The following ADARB2 variants were observed in gnomAD, a reference collection of about 807,000 sequenced individuals.
The protein encoded by ADARB2 is adenosine deaminase RNA specific B2 (inactive), also known as inactive double-stranded RNA-specific editase B2.
A neutral mutation model predicts 62.2 loss-of-function variants in ADARB2; 25 were observed. The observed-to-expected ratio is 0.40, with a 90% CI of 0.29 to 0.56. The LOEUF is 0.56. Among genes scored for constraint, ADARB2 ranks in the 20% least tolerant of loss-of-function variants. The pLI is 0.43. For synonymous variants in ADARB2, 572 were observed against 500.8 expected (o/e 1.14, Z -1.90); for missense variants, 1,071 against 1,077.4 (o/e 0.99, Z 0.08).
chr10:1,682,178 C>T (rs1181038132), intron 1 of ADARB2, among the ~76,000 whole-genome samples: 1 of 152,120 alleles, frequency 6.6e-6, no homozygotes, highest in Non-Finnish European at 1.5e-5. Context: ...AATGAGAGCT[C>T]CACAAAGATG....
At chr10:1,552,266 C>T (rs1020272533) in intron 1 of ADARB2, among the ~76,000 whole-genome samples, 5 of 152,360 alleles carry the variant, frequency 3.3e-5, no homozygotes, top group South Asian at 2.1e-4. Context: ...TGGCCTGTGC[C>T]GTGTAAGTGG....
intron 1 of ADARB2, among the ~76,000 whole-genome samples, chr10:1,581,977 C>T (rs1833108463): frequency 6.6e-6 from 1 of 152,128 alleles, no homozygotes; most frequent in Non-Finnish European, 1.5e-5. Context: ...GGCCACTTCC[C>T]TACTCACTGC....
chr10:1,639,899 C>CAAACAA (rs1833960100), intron 1 of ADARB2, among the ~76,000 whole-genome samples: 1 of 150,938 alleles, frequency 6.6e-6, no homozygotes, highest in African/African-American at 2.5e-5. Context: ...CAAACAAAAA[C>CAAACAA]ATGAAGAGGG....
At chr10:1,353,325 G>A (rs972985362) in intron 3 of ADARB2, among the ~76,000 whole-genome samples, 2 of 152,056 alleles carry the variant, frequency 1.3e-5, no homozygotes, top group Admixed American at 6.6e-5. Flanking sequence ...TCTCCTAGCC[G>A]CTTCTAATCC....
In ADARB2 at chr10:1,647,664, ATG is replaced by A. The variant is rs1054167833; in HGVS notation, c.100+89385_100+89386del. On this transcript the variant is annotated intron_variant, in intron 1 of 9. Coordinates refer to ENST00000381312, the MANE Select transcript of ADARB2 (RefSeq NM_018702.4). ...TATGTGTGGGGGTATATGAGTATATATGTGTATGTGTGTATACATGTGTGTAT... is the reference window on the plus strand; with the variant it reads ...TATGTGTGGGGGTATATGAGTATATATGTATGTGTGTATACATGTGTGTAT... Among the ~76,000 whole-genome samples, 6 of 151,804 alleles carry A rather than the reference ATG, an allele frequency of 4.0e-5. No homozygotes were observed. In the East Asian group the frequency reaches 9.7e-4, roughly 24 times the overall value.
chr10:1,356,883 G>T (rs1832200909), intron 3 of ADARB2, among the ~76,000 whole-genome samples: 1 of 152,152 alleles, frequency 6.6e-6, no homozygotes, highest in South Asian at 2.1e-4. Flanking sequence ...GGAAGGAAGG[G>T]CTGATTCCTA....
intron 7 of ADARB2, among the ~76,000 whole-genome samples, chr10:1,205,698 G>A (rs914546239): frequency 2.0e-5 from 3 of 152,406 alleles, no homozygotes; most frequent in Admixed American, 6.5e-5. Context: ...CACCAGACGC[G>A]GAAACTGCTG....
chr10:1,403,735 G>T (rs1588245740), intron 1 of ADARB2, among the ~76,000 whole-genome samples: 1 of 152,216 alleles, frequency 6.6e-6, no homozygotes, highest in Non-Finnish European at 1.5e-5. Flanking sequence ...GCAAGGACAA[G>T]TTCCTCTGTA....
chr10:1,647,351 ATGTG>A (rs756479455), intron 1 of ADARB2, among the ~76,000 whole-genome samples: 6 of 152,064 alleles, frequency 3.9e-5, no homozygotes, highest in African/African-American at 1.4e-4. Context: ...GCATGTATAT[ATGTG>A]TGTGTGCACA....
At chr10:1,709,372 T>A (rs1447936178) in intron 1 of ADARB2, among the ~76,000 whole-genome samples, 1 of 152,254 alleles carries the variant, frequency 6.6e-6, no homozygotes, top group Non-Finnish European at 1.5e-5. Context: ...GCCAAGCATG[T>A]CTTCATAAAA....
chr10:1,385,025 G>A (rs530026739), intron 1 of ADARB2, among the ~76,000 whole-genome samples: 1 of 152,278 alleles, frequency 6.6e-6, no homozygotes, highest in African/African-American at 2.4e-5. Flanking sequence ...GAATACTCTA[G>A]TCCTAGATTA....
chr10:1,319,742 A>C lies in ADARB2; in HGVS notation c.1077+43286T>G, dbSNP rs115576803. ...CATTCTGTGCCCTGTCCGAGTACCT[A>C]CCTTAGCTTGTACTTACTTCCTGGA... On this transcript the variant is annotated intron_variant, in intron 3 of 9. Coordinates refer to ENST00000381312, the MANE Select transcript of ADARB2 (RefSeq NM_018702.4). Among the ~76,000 whole-genome samples the C allele has an allele frequency of 7.9e-3, 1,209 of 152,228 alleles. 24 individuals are homozygous for C. The highest frequency in any genetic ancestry group is 0.027 in the African/African-American group (1,107 of 41,522).
At chr10:1,446,742 G>A (rs78492247) in intron 1 of ADARB2, among the ~76,000 whole-genome samples, 1 of 152,074 alleles carries the variant, frequency 6.6e-6, no homozygotes, top group African/African-American at 2.4e-5. Flanking sequence ...CAGTTAAAAC[G>A]TTCTTGTATG....
intron 1 of ADARB2, among the ~76,000 whole-genome samples, chr10:1,421,006 T>C (rs1323199595): frequency 6.6e-6 from 1 of 151,722 alleles, no homozygotes; most frequent in African/African-American, 2.4e-5. Context: ...GTGTTACACC[T>C]CCACTGCTCT....
rs534327510 is a variant in ADARB2 at position 1,413,253 on chromosome 10, T to C, written c.101-34093A>G. ...TCCCAGTGAGAACATGAGTGGGAGA[T>C]GGTGCAGGAAGGGGGTCCCCAGCCA... is the stretch of plus-strand genomic sequence containing the variant. On this transcript the variant is annotated intron_variant, in intron 1 of 9. Coordinates refer to ENST00000381312, the MANE Select transcript of ADARB2 (RefSeq NM_018702.4). 4.6e-5 allele frequency among the ~76,000 whole-genome samples: 7 copies of C among 152,230 alleles called. No homozygotes were observed. In the East Asian group the frequency reaches 1.4e-3, roughly 29 times the overall value.
Position 1,347,241 on chromosome 10 carries a change from C to T in ADARB2, c.1077+15787G>A, listed in dbSNP as rs146768706. On this transcript the variant is annotated intron_variant, in intron 3 of 9. Transcript: ENST00000381312. ...CTGAAATCCCTTCTCCCTTTCCCGC[C>T]TTCCTGATCATAAAGTTGCAGTGAG... Among the ~76,000 whole-genome samples, 741 of 152,310 alleles carry T rather than the reference C, an allele frequency of 4.9e-3. 4 individuals are homozygous for T. The highest frequency in any genetic ancestry group is 0.015 in the African/African-American group (617 of 41,552).
intron 4 of ADARB2, among the ~76,000 whole-genome samples, chr10:1,269,459 G>T (rs189744718): frequency 2.0e-5 from 3 of 152,290 alleles, no homozygotes; most frequent in Admixed American, 2.0e-4. Flanking sequence ...CACTTACATG[G>T]TACTTGCCAT....
chr10:1,196,298 C>A (rs1836911364), intron 8 of ADARB2, among the ~76,000 whole-genome samples: 1 of 144,986 alleles, frequency 6.9e-6, no homozygotes, highest in Non-Finnish European at 1.5e-5. Flanking sequence ...GGATTTTTGA[C>A]TATTTTGTTC....
chr10:1,615,000 G>A (rs1833614844), intron 1 of ADARB2, among the ~76,000 whole-genome samples: 1 of 152,148 alleles, frequency 6.6e-6, no homozygotes, highest in Admixed American at 6.5e-5. Flanking sequence ...TCATTGTTGG[G>A]GAGGAGCTCA....
Sources: allele counts gnomAD v4.1 joint callset (sites outside exome capture counted in the v4.1 genomes callset), GRCh38; gene constraint gnomAD v4.1.1; transcripts MANE v1.5; gene names NCBI Gene and HGNC (gene_info 2026-07-23, HGNC 2026-07-21).